The following C4orf51 variants were observed in gnomAD, a reference collection of about 807,000 sequenced individuals.
C4orf51 encodes the protein chromosome 4 open reading frame 51, also known as uncharacterized protein C4orf51.
C4orf51 carries 25 observed loss-of-function variants against 25.2 expected under a neutral mutation model. The ratio of observed to expected loss-of-function variants is 0.99; its 90% CI spans 0.72 to 1.39. The LOEUF (loss-of-function observed/expected upper bound fraction) is 1.39. Ranked by LOEUF, C4orf51 falls within the 40% of genes most tolerant of loss-of-function variation. The pLI, the probability that C4orf51 is intolerant of heterozygous loss-of-function variation, is 0.00. For missense variants in C4orf51, 252 were observed against 239.6 expected, an observed-to-expected ratio of 1.05 and a Z score of -0.34; for synonymous variants, 100 against 84.5, an observed-to-expected ratio of 1.18 and a Z score of -1.01.
At chr4:145,728,668 ATAAC>A (rs1210975929) in intron 3 of C4orf51, among the ~76,000 whole-genome samples, 4 of 152,256 alleles carry the variant, frequency 2.6e-5, no homozygotes, top group South Asian at 2.1e-4. Flanking sequence ...TAACAGCACT[ATAAC>A]TAATGCTAGA....
intron 1 of C4orf51, among the ~76,000 whole-genome samples, chr4:145,748,940 GAT>G (rs1299843864): frequency 6.6e-6 from 1 of 151,914 alleles, no homozygotes; most frequent in Non-Finnish European, 1.5e-5. Flanking sequence ...CTGTCTGGAA[GAT>G]ATATCCAACG....
At chr4:145,784,948 T>C in the C4orf51 span, among the ~76,000 whole-genome samples, 1 of 152,218 alleles carries the variant, frequency 6.6e-6, no homozygotes, top group Non-Finnish European at 1.5e-5. Flanking sequence ...TAACCATAAA[T>C]TGCTTCCAGA....
At chr4:145,701,998 C>G (rs948885398) in intron 2 of C4orf51, among the ~76,000 whole-genome samples, 5 of 152,212 alleles carry the variant, frequency 3.3e-5, no homozygotes, top group African/African-American at 1.2e-4. Context: ...TAGGACATCT[C>G]TACTCCTTCC....
chr4:145,743,362 A>G (rs570723418), intron 1 of C4orf51, among the ~76,000 whole-genome samples: 2 of 152,272 alleles, frequency 1.3e-5, no homozygotes, highest in South Asian at 4.1e-4. Context: ...GCATCATCCC[A>G]TGGCAGAAGG....
the C4orf51 span, among the ~76,000 whole-genome samples, chr4:145,783,970 G>A: frequency 6.6e-6 from 1 of 152,174 alleles, no homozygotes; most frequent in Non-Finnish European, 1.5e-5. Flanking sequence ...TCTCTCTGGT[G>A]CTGTTCTCAT....
At chr4:145,742,791 C>G (rs532366769) in intron 1 of C4orf51, among the ~76,000 whole-genome samples, 4 of 152,134 alleles carry the variant, frequency 2.6e-5, no homozygotes, top group African/African-American at 4.8e-5. Context: ...CTACCCGCCT[C>G]GGCCTCCCAA....
At chr4:145,715,573 C>A (rs1172411965) in intron 2 of C4orf51, among the ~76,000 whole-genome samples, 1 of 152,126 alleles carries the variant, frequency 6.6e-6, no homozygotes, top group African/African-American at 2.4e-5. Context: ...GGAGTTTTTA[C>A]CCCACTAATG....
At chr4:145,751,962 C>G (rs1257036471) in intron 1 of C4orf51, among the ~76,000 whole-genome samples, 1 of 152,216 alleles carries the variant, frequency 6.6e-6, no homozygotes, top group African/African-American at 2.4e-5. Flanking sequence ...CGCCAGGTGA[C>G]TGCTGATGTT....
At chr4:145,776,198 T>C in the C4orf51 span, among the ~76,000 whole-genome samples, 184 of 152,282 alleles carry the variant, frequency 1.2e-3, no homozygotes, top group Middle Eastern at 3.4e-3. Flanking sequence ...GGCTCACACC[T>C]GTAATTCTAG....
chr4:145,735,040 G>A (rs1209186292), downstream of C4orf51, among the ~76,000 whole-genome samples: 1 of 152,220 alleles, frequency 6.6e-6, no homozygotes, highest in African/African-American at 2.4e-5. Flanking sequence ...ATGCACTTGG[G>A]CGAGGGCTTT....
chr4:145,779,494 G>C, the C4orf51 span: 2 of 1,613,902 alleles, frequency 1.2e-6, no homozygotes, highest in Non-Finnish European at 1.7e-6. Flanking sequence ...CCTGCCTCTA[G>C]GACTATCTTT....
the C4orf51 span, among the ~76,000 whole-genome samples, chr4:145,776,592 G>A: frequency 2.0e-5 from 3 of 152,034 alleles, no homozygotes; most frequent in African/African-American, 7.2e-5. Context: ...TTCTGTGAGT[G>A]AGCAAGTGTG....
chr4:145,774,463 G>T, downstream of C4orf51: 6 of 1,581,122 alleles, frequency 3.8e-6, no homozygotes, highest in Non-Finnish European at 5.2e-6. Context: ...TGGGGTGCAG[G>T]GGATGGAGAA....
intron 1 of C4orf51, among the ~76,000 whole-genome samples, chr4:145,745,146 T>G (rs1733301066): frequency 6.6e-6 from 1 of 152,204 alleles, no homozygotes. Context: ...TGATGCAGCA[T>G]GCAATGCATA....
chr4:145,731,844 A>T (rs1409296949), intron 5 of C4orf51, among the ~76,000 whole-genome samples: 2 of 151,762 alleles, frequency 1.3e-5, no homozygotes, highest in African/African-American at 4.8e-5. Flanking sequence ...GGCCTCCCAA[A>T]CTGCTGGGAT....
At position 145,706,914 on chromosome 4, in the gene C4orf51, C is replaced by T. The variant is rs149790043; in HGVS notation, c.307+10282C>T. ...GCAACCTCCACCTCCCGGGTTCAAG[C>T]GATTCTCCTGCCTCAGCCTCTTGAG... On this transcript the variant is annotated intron_variant, in intron 2 of 5. Coordinates refer to ENST00000438731, the MANE Select transcript of C4orf51 (RefSeq NM_001080531.3). Among the ~76,000 whole-genome samples the T allele has an allele frequency of 2.6e-3, 390 of 151,104 alleles. 1 individual carries two copies. Among genetic ancestry groups the T allele is most frequent in the African/African-American group, 9.0e-3 (370 of 41,084 alleles).
At chr4:145,749,723 TC>T (rs1282427332) in intron 1 of C4orf51, among the ~76,000 whole-genome samples, 11 of 152,214 alleles carry the variant, frequency 7.2e-5, no homozygotes, top group African/African-American at 2.6e-4. Context: ...AACCTCCAAC[TC>T]CCGGGTTCAC....
the C4orf51 span, among the ~76,000 whole-genome samples, chr4:145,779,982 G>C: frequency 6.6e-6 from 1 of 152,202 alleles, no homozygotes; most frequent in African/African-American, 2.4e-5. Flanking sequence ...CTTGAGCTCA[G>C]AAGTTCAAGA....
At chr4:145,714,539 T>G (rs1731298786) in intron 2 of C4orf51, among the ~76,000 whole-genome samples, 1 of 152,220 alleles carries the variant, frequency 6.6e-6, no homozygotes, top group Admixed American at 6.5e-5. Flanking sequence ...AACTTCTCAT[T>G]TGGTTCATGT....
Sources: allele counts gnomAD v4.1 joint callset (sites outside exome capture counted in the v4.1 genomes callset), GRCh38; gene constraint gnomAD v4.1.1; transcripts MANE v1.5; gene names NCBI Gene and HGNC (gene_info 2026-07-23, HGNC 2026-07-21).